The following UEVLD variants were observed in gnomAD, a reference collection of about 807,000 sequenced individuals.
UEVLD encodes the protein UEV and lactate/malate dehyrogenase domains.
A neutral mutation model predicts 58.6 loss-of-function variants in UEVLD; 47 were observed. The ratio of observed to expected loss-of-function variants is 0.80; its 90% CI spans 0.63 to 1.02. UEVLD has a LOEUF of 1.02. UEVLD is among the 50% of genes least tolerant of loss of function. The pLI, the probability that UEVLD is intolerant of heterozygous loss-of-function variation, is 0.00. For missense variants in UEVLD, 510 were observed against 550.6 expected (o/e 0.93, Z 0.74); for synonymous variants, 197 against 195.3 (o/e 1.01, Z -0.07).
At chr11:18,584,300 T>C (rs1050110579) in intron 1 of UEVLD, among the ~76,000 whole-genome samples, 2 of 152,082 alleles carry the variant, frequency 1.3e-5, no homozygotes, top group Non-Finnish European at 2.9e-5. Flanking sequence ...GGAGGATCAC[T>C]TGAGCCCAAG....
intron 1 of UEVLD, 59 bp from the exon 2 acceptor site, chr11:18,578,867 C>A (rs544860790): frequency 2.3e-6 from 3 of 1,309,896 alleles, no homozygotes; most frequent in South Asian, 2.6e-5. Context: ...AGAACAATTG[C>A]AGTTAACTTT....
intron 1 of UEVLD, among the ~76,000 whole-genome samples, chr11:18,582,988 T>C (rs1227560371): frequency 6.6e-6 from 1 of 152,138 alleles, no homozygotes; most frequent in Non-Finnish European, 1.5e-5. Context: ...AATGGCGTGA[T>C]CTCAGCTCAC....
chr11:18,575,323 C>A, intron 3 of UEVLD, 24 bp downstream of exon 3: 1 of 1,581,094 alleles, frequency 6.3e-7, no homozygotes, highest in Non-Finnish European at 8.5e-7. Flanking sequence ...AAAACTCACA[C>A]ATTTTTTCAA....
At position 18,557,691 on chromosome 11, in the gene UEVLD, G is replaced by A. The variant is rs1019160059; in HGVS notation, c.715+537C>T. ...TAATCCTTCTGCCTCAGCCTCCCAC[G>A]TAGCTGGGACTACAGTCATGAGCCA... On this transcript the variant is annotated intron_variant, in intron 7 of 11. Coordinates refer to ENST00000396197, the MANE Select transcript of UEVLD (RefSeq NM_001040697.4). Among the ~76,000 whole-genome samples the A allele has an allele frequency of 4.0e-5, 6 of 151,684 alleles. No individual in the cohort carries two copies. The South Asian group carries it at 6.2e-4, about 16-fold the overall frequency.
intron 7 of UEVLD, among the ~76,000 whole-genome samples, chr11:18,547,602 T>G (rs115099340): frequency 6.6e-6 from 1 of 152,124 alleles, no homozygotes; most frequent in Non-Finnish European, 1.5e-5. Flanking sequence ...ATCTAAAACC[T>G]ACAAACAAGA....
At chr11:18,540,372 C>G (rs537720753) in intron 9 of UEVLD, among the ~76,000 whole-genome samples, 38 of 152,306 alleles carry the variant, frequency 2.5e-4, no homozygotes, top group African/African-American at 7.9e-4. Context: ...GATGGTATCA[C>G]TTATGCAAAA....
At chr11:18,548,211 G>A (rs1025132316) in intron 7 of UEVLD, among the ~76,000 whole-genome samples, 12 of 152,170 alleles carry the variant, frequency 7.9e-5, no homozygotes, top group African/African-American at 2.9e-4. Context: ...CACACGTTAT[G>A]CTGTTACAAC....
Position 18,575,979 on chromosome 11 carries a change from G to A in UEVLD, c.128-567C>T, listed in dbSNP as rs377369980. Among the ~76,000 whole-genome samples, 86 of 152,172 alleles carry A rather than the reference G, an allele frequency of 5.7e-4. 1 individual carries two copies. The South Asian group carries it at 0.016, about 29-fold the overall frequency. ...TCATTAGCCAACACCTTAAGATTAA[G>A]GTGTTTTAAAAATCCAAAGGGAGGG... On this transcript the variant is annotated intron_variant, in intron 2 of 11. Coordinates refer to ENST00000396197, the MANE Select transcript of UEVLD (RefSeq NM_001040697.4).
At chr11:18,569,605 C>T (rs1166821520) in intron 4 of UEVLD, among the ~76,000 whole-genome samples, 2 of 148,634 alleles carry the variant, frequency 1.3e-5, no homozygotes, top group Non-Finnish European at 3.0e-5. Context: ...ACGCAATATC[C>T]TTATGCTGTC....
At chr11:18,568,899 A>G (rs993814143) in intron 4 of UEVLD, among the ~76,000 whole-genome samples, 7 of 151,640 alleles carry the variant, frequency 4.6e-5, no homozygotes, top group Admixed American at 1.3e-4. Context: ...ACATATAAAC[A>G]TATTTTTTTT....
At chr11:18,555,075 A>T (rs182728586) in intron 7 of UEVLD, among the ~76,000 whole-genome samples, 56 of 152,116 alleles carry the variant, frequency 3.7e-4, no homozygotes, top group African/African-American at 1.3e-3. Flanking sequence ...GAACGGCTTG[A>T]ATCCAGGAGT....
chr11:18,587,793 ACT>A (rs1421981441), intron 1 of UEVLD: 1 of 146,200 alleles, frequency 6.8e-6, no homozygotes, highest in Non-Finnish European at 1.5e-5. Flanking sequence ...ACAGAGCAAG[ACT>A]CTGTCAAAAA....
rs1850590200 is a variant in UEVLD, at chr11:18,532,284, A to C, written c.*36T>G. ...GTAAAATTAAATGACTTTTCCCTTT[A>C]GGTAGAAGTCCAGCCTCTCAAATTG... On this transcript the variant is annotated 3_prime_UTR_variant, in exon 12 of 12. Transcript: ENST00000396197. 1.3e-6 allele frequency: 2 copies of C among 1,559,630 alleles called. No homozygotes were observed. Among genetic ancestry groups the C allele is most frequent in the African/African-American group, 2.8e-5 (2 of 72,118 alleles).
chr11:18,577,151 G>A (rs902835207), intron 2 of UEVLD, among the ~76,000 whole-genome samples: 16 of 151,968 alleles, frequency 1.1e-4, no homozygotes, highest in African/African-American at 3.9e-4. Context: ...CCACTGCACT[G>A]CAGCCTGGGC....
At chr11:18,557,277 G>A (rs950926583) in intron 7 of UEVLD, among the ~76,000 whole-genome samples, 8 of 150,852 alleles carry the variant, frequency 5.3e-5, no homozygotes, top group Admixed American at 4.0e-4. Flanking sequence ...TCAGCCTCCC[G>A]AGTAGCTGGG....
At chr11:18,586,872 TA>T (rs149988301) in intron 1 of UEVLD, among the ~76,000 whole-genome samples, 8,070 of 151,944 alleles carry the variant, frequency 0.053, 244 homozygotes, top group Non-Finnish European at 0.065. Context: ...CTACTAAAAA[TA>T]CAAAAAAAAT....
At position 18,534,413 on chromosome 11, in the gene UEVLD, AC is replaced by A. The variant is rs1476725599; in HGVS notation, c.1164del (p.Trp388CysfsTer7). The A allele has an allele frequency of 3.8e-6, 6 of 1,579,418 alleles. No individual in the cohort carries two copies. The highest frequency in any genetic ancestry group is 5.1e-6 in the Non-Finnish European group (6 of 1,169,670). On this transcript the variant is annotated frameshift_variant, in exon 11 of 12. Coordinates refer to ENST00000396197, the MANE Select transcript of UEVLD (RefSeq NM_001040697.4). LOFTEE classifies it high-confidence loss of function. Reference sequence around the variant, plus strand: ...ATGTCAGCTACTGATAGTCCAACAGACCAGGATCTTTGACCTTTTACTCTTA... The same window carrying A: ...ATGTCAGCTACTGATAGTCCAACAGACAGGATCTTTGACCTTTTACTCTTA... ...ELLRVKGQRSWSVGLSVADMV... is the reference protein window; with the variant it reads ...ELLRVKGQRSXSVGLSVADMV...
At chr11:18,572,104 C>G (rs528018518) in intron 3 of UEVLD, among the ~76,000 whole-genome samples, 4 of 151,952 alleles carry the variant, frequency 2.6e-5, no homozygotes, top group African/African-American at 9.7e-5. Context: ...GGTGTGGTGG[C>G]GGGCACCTGT....
chr11:18,553,202 C>T lies in UEVLD; in HGVS notation c.715+5026G>A, dbSNP rs1421885195. Among the ~76,000 whole-genome samples, 11 of 149,030 alleles carry T rather than the reference C, an allele frequency of 7.4e-5. No homozygotes were observed. In the East Asian group the frequency reaches 1.4e-3, roughly 19 times the overall value. ...TTAGCCGGGCATGGTGGCGTGCTCC[C>T]GTAATCCCAGTTACTTGGGAAGCTG... On this transcript the variant is annotated intron_variant, in intron 7 of 11. Coordinates refer to ENST00000396197, the MANE Select transcript of UEVLD (RefSeq NM_001040697.4).
Sources: gnomAD v4.1 joint callset for allele counts (sites outside exome capture counted in the v4.1 genomes callset) on GRCh38, gnomAD v4.1.1 for gene constraint, MANE v1.5 for transcripts, NCBI Gene and HGNC (gene_info 2026-07-23, HGNC 2026-07-21) for gene names.